The following MDGA2 variants were observed in gnomAD, a reference collection of about 807,000 sequenced individuals.
The protein encoded by MDGA2 is MAM domain containing glycosylphosphatidylinositol anchor 2, also known as MAM domain-containing glycosylphosphatidylinositol anchor protein 2.
MDGA2 carries 40 observed loss-of-function variants against 117.8 expected under a neutral mutation model. The ratio of observed to expected loss-of-function variants is 0.34; its 90% CI spans 0.26 to 0.44. The LOEUF (loss-of-function observed/expected upper bound fraction) is 0.44. Among genes scored for constraint, MDGA2 ranks in the 20% least tolerant of loss-of-function variants. The pLI, the probability that MDGA2 is intolerant of heterozygous loss-of-function variation, is 1.00. For synonymous variants in MDGA2, 452 were observed against 439.0 expected (o/e 1.03, Z -0.37); for missense variants, 1,123 against 1,250.6 (o/e 0.90, Z 1.54).
chr14:47,179,397 C>T (rs1439095884), intron 3 of MDGA2, among the ~76,000 whole-genome samples: 1 of 151,822 alleles, frequency 6.6e-6, no homozygotes, highest in Non-Finnish European at 1.5e-5. Flanking sequence ...GGTCAAACAT[C>T]CTCATTTTTT....
At chr14:47,666,190 G>T (rs1303392437) in intron 1 of MDGA2, among the ~76,000 whole-genome samples, 1 of 149,506 alleles carries the variant, frequency 6.7e-6, no homozygotes, top group Non-Finnish European at 1.5e-5. Context: ...TAGCTAATCT[G>T]GTGGGGACTT....
At chr14:46,906,972 C>CTTTTTTTT (rs372756942) in intron 10 of MDGA2, among the ~76,000 whole-genome samples, 3 of 99,564 alleles carry the variant, frequency 3.0e-5, no homozygotes, top group African/African-American at 3.8e-5. Flanking sequence ...TTACCTTTTT[C>CTTTTTTTT]TTTTTTTTTT....
intron 7 of MDGA2, among the ~76,000 whole-genome samples, chr14:47,051,759 T>C (rs553306556): frequency 2.0e-4 from 30 of 151,978 alleles, no homozygotes; most frequent in African/African-American, 7.0e-4. Context: ...TAGAAGAAAA[T>C]GGTGATGAAA....
In MDGA2 at chr14:47,674,648, C is replaced by T; in HGVS notation, c.149G>A (p.Gly50Asp). ...GGTACGCAACGGGACCTTCAGGAGG[C>T]CGGCGGCCAGCCAGGCGCGCTCCAC... ...ARVERAWLAA[G>D]LLKVPLRTPW... is the part of the protein sequence containing the mutation. The change falls in exon 1 of 17, where the codon GGC becomes GAC. Residue 50 changes from glycine (G) to aspartate (D), a missense_variant. Transcript: ENST00000399232. 1 of 1,495,426 alleles carries T rather than the reference C, an allele frequency of 6.7e-7. No individual in the cohort carries two copies. Among genetic ancestry groups the T allele is most frequent in the Non-Finnish European group, 9.1e-7 (1 of 1,096,626 alleles). 92.6% of individuals were successfully genotyped at this position (1,495,426 alleles called of 1,614,324 possible). A position where few individuals can be genotyped will look rare whatever the true frequency, so the allele number is the denominator to read the frequency against.
chr14:46,891,521 T>G (rs1003239998), intron 10 of MDGA2, among the ~76,000 whole-genome samples: 1 of 151,442 alleles, frequency 6.6e-6, no homozygotes, highest in African/African-American at 2.4e-5. Context: ...ATTAATATAA[T>G]TTATTTCCTG....
intron 3 of MDGA2, among the ~76,000 whole-genome samples, chr14:47,183,477 A>T (rs1319275135): frequency 1.3e-5 from 2 of 152,136 alleles, no homozygotes; most frequent in Non-Finnish European, 2.9e-5. Context: ...TGAGGTTGAT[A>T]AGATGGTTCA....
rs181857574 is a variant in MDGA2, at chr14:47,534,680, T to C, written c.280+139837A>G. Among the ~76,000 whole-genome samples, 288 of 152,282 alleles carry C rather than the reference T, an allele frequency of 1.9e-3. 3 individuals are homozygous for C. The highest frequency in any genetic ancestry group is 6.7e-3 in the African/African-American group (278 of 41,570). On this transcript the variant is annotated intron_variant, in intron 1 of 16. Transcript: ENST00000399232. ...GGGGGTTATAGTTTGAGATGAGATT[T>C]GGGTGGGGACCCAGAGCCTAACCAT...
chr14:47,456,647 G>C (rs902192310), intron 1 of MDGA2, among the ~76,000 whole-genome samples: 11 of 152,064 alleles, frequency 7.2e-5, no homozygotes, highest in African/African-American at 2.7e-4. Flanking sequence ...GAAACTATAA[G>C]ATAGTGGACA....
chr14:47,402,254 C>G (rs907340487), intron 1 of MDGA2, among the ~76,000 whole-genome samples: 3 of 151,398 alleles, frequency 2.0e-5, no homozygotes, highest in African/African-American at 7.3e-5. Context: ...GGTATTGTTA[C>G]TACTATGTTT....
intron 8 of MDGA2, among the ~76,000 whole-genome samples, chr14:46,962,447 A>G (rs1885849534): frequency 6.6e-6 from 1 of 152,122 alleles, no homozygotes; most frequent in African/African-American, 2.4e-5. Context: ...CCTAGTGAAT[A>G]TTCTGGGTTT....
chr14:47,514,754 T>C (rs747961095), intron 1 of MDGA2, among the ~76,000 whole-genome samples: 1 of 152,142 alleles, frequency 6.6e-6, no homozygotes, highest in Non-Finnish European at 1.5e-5. Flanking sequence ...TCTCCAATGA[T>C]TAGCAAAAGA....
At chr14:47,236,298 A>AAAAC (rs1886860125) in intron 2 of MDGA2, among the ~76,000 whole-genome samples, 1 of 151,116 alleles carries the variant, frequency 6.6e-6, no homozygotes, top group African/African-American at 2.4e-5. Context: ...CTCAAAAAAA[A>AAAAC]AAAAAAAAAA....
At chr14:47,217,754 T>A (rs866341635) in intron 3 of MDGA2, among the ~76,000 whole-genome samples, 1 of 152,094 alleles carries the variant, frequency 6.6e-6, no homozygotes, top group Non-Finnish European at 1.5e-5. Flanking sequence ...AAACCCTAGT[T>A]ATTAGTGGGA....
intron 3 of MDGA2, among the ~76,000 whole-genome samples, chr14:47,212,885 T>C (rs957525471): frequency 6.6e-6 from 1 of 152,174 alleles, no homozygotes; most frequent in African/African-American, 2.4e-5. Context: ...CATGAGAATT[T>C]GTCTCTAAAA....
chr14:47,675,111 C>G lies in MDGA2; in HGVS notation c.-315G>C, dbSNP rs1219051097. Among the ~76,000 whole-genome samples the G allele has an allele frequency of 2.0e-5, 3 of 151,820 alleles. No individual in the cohort carries two copies. The highest frequency in any genetic ancestry group is 2.9e-5 in the Non-Finnish European group (2 of 67,906). On this transcript the variant is annotated 5_prime_UTR_variant, in exon 1 of 17. Coordinates refer to ENST00000399232, the MANE Select transcript of MDGA2 (RefSeq NM_001113498.3). ...GGAAGTGGCCTCTGACCCAGGACAC[C>G]GAGCAGGGCTCTCTTGCCTGGATTC...
chr14:47,313,558 A>G (rs959013720), intron 1 of MDGA2, among the ~76,000 whole-genome samples: 1 of 152,242 alleles, frequency 6.6e-6, no homozygotes, highest in Non-Finnish European at 1.5e-5. Flanking sequence ...CTGCCTCCCC[A>G]TATACTGGGA....
chr14:47,435,980 T>C (rs1892889354), intron 1 of MDGA2, among the ~76,000 whole-genome samples: 1 of 152,126 alleles, frequency 6.6e-6, no homozygotes, highest in Non-Finnish European at 1.5e-5. Context: ...CTTTTCCTTT[T>C]TTTGTCTCTC....
At chr14:47,391,285 G>C (rs1172857080) in intron 1 of MDGA2, among the ~76,000 whole-genome samples, 1 of 152,166 alleles carries the variant, frequency 6.6e-6, no homozygotes, top group East Asian at 1.9e-4. Context: ...GGGAGAAAAT[G>C]CACAAATCTG....
chr14:47,055,134 T>C (rs1016420200), intron 7 of MDGA2, among the ~76,000 whole-genome samples: 5 of 151,872 alleles, frequency 3.3e-5, no homozygotes, highest in Non-Finnish European at 5.9e-5. Flanking sequence ...AATGCAAAGG[T>C]AGTCTCACTG....
Sources: allele counts gnomAD v4.1 joint callset (sites outside exome capture counted in the v4.1 genomes callset), GRCh38; gene constraint gnomAD v4.1.1; transcripts MANE v1.5; gene names NCBI Gene and HGNC (gene_info 2026-07-23, HGNC 2026-07-21).